ITPR1: variants seen among roughly 807,000 people sequenced by gnomAD.
The protein encoded by ITPR1 is inositol 1,4,5-trisphosphate-gated calcium channel ITPR1.
A neutral mutation model predicts 318.4 loss-of-function variants in ITPR1; 96 were observed. That is an observed-to-expected ratio of 0.30 (90% CI 0.26 to 0.36). The LOEUF (loss-of-function observed/expected upper bound fraction) is 0.36. Ranked by LOEUF, ITPR1 falls within the 10% of genes least tolerant of loss-of-function variation. The pLI is 1.00. For missense variants in ITPR1, 2,440 were observed against 3,460.2 expected, an observed-to-expected ratio of 0.71 and a Z score of 7.40; for synonymous variants, 1,312 against 1,289.9, an observed-to-expected ratio of 1.02 and a Z score of -0.37.
At chr3:4,754,131 A>G (rs2044772091) in intron 44 of ITPR1, among the ~76,000 whole-genome samples, 1 of 151,622 alleles carries the variant, frequency 6.6e-6, no homozygotes, top group Non-Finnish European at 1.5e-5. Context: ...CATTGAGGAC[A>G]GGAAATGTTG....
At chr3:4,842,753 T>A (rs144169031) in intron 61 of ITPR1, among the ~76,000 whole-genome samples, 48 of 152,272 alleles carry the variant, frequency 3.2e-4, no homozygotes, top group African/African-American at 1.1e-3. Context: ...TACCATAGAT[T>A]TTTTTTACTC....
At chr3:4,550,735 C>T (rs562873825) in intron 4 of ITPR1, among the ~76,000 whole-genome samples, 32 of 151,820 alleles carry the variant, frequency 2.1e-4, no homozygotes, top group Middle Eastern at 6.3e-3. Flanking sequence ...AAAAAGTTAG[C>T]GAGGCATAGT....
chr3:4,567,602 A>G (rs1340564070), intron 4 of ITPR1, among the ~76,000 whole-genome samples: 3 of 106,566 alleles, frequency 2.8e-5, no homozygotes, highest in African/African-American at 9.4e-5. Flanking sequence ...CGCTTGAGCT[A>G]GTTTTTTTTG....
At chr3:4,707,784 C>G (rs374443221) in intron 37 of ITPR1, among the ~76,000 whole-genome samples, 2 of 152,180 alleles carry the variant, frequency 1.3e-5, no homozygotes, top group East Asian at 3.8e-4. Flanking sequence ...ACTATTATTA[C>G]TGTTGTTTAC....
intron 26 of ITPR1, among the ~76,000 whole-genome samples, chr3:4,681,624 AGTGTGT>A (rs10665371): frequency 2.5e-4 from 37 of 145,894 alleles, no homozygotes; most frequent in African/African-American, 6.6e-4. Context: ...AGAGAGAGAA[AGTGTGT>A]GTGTGTGTGT....
chr3:4,746,237 G>GC lies in ITPR1; in HGVS notation c.5544+10889dup, dbSNP rs1450696574. On this transcript the variant is annotated intron_variant, in intron 44 of 61. Transcript: ENST00000649015. The stretch of plus-strand genomic sequence containing the variant: ...TCTCTTCCACGCGGTTGTCAGTGAT[G>GC]CCCCCCAAATGGAACCCTCACTACC... Among the ~76,000 whole-genome samples the GC allele has an allele frequency of 1.5e-4, 23 of 152,250 alleles. No homozygotes were observed. The South Asian group carries it at 4.6e-3, about 30-fold the overall frequency.
At chr3:4,793,452 G>A (rs76800974) in intron 52 of ITPR1, among the ~76,000 whole-genome samples, 2,229 of 152,262 alleles carry the variant, frequency 0.015, 56 homozygotes, top group African/African-American at 0.048. Context: ...CAGCTTCAGC[G>A]GTTATCAACT....
intron 4 of ITPR1, among the ~76,000 whole-genome samples, chr3:4,585,548 T>G (rs1465266653): frequency 6.6e-6 from 1 of 152,142 alleles, no homozygotes; most frequent in East Asian, 1.9e-4. Context: ...GCAGTTCTCC[T>G]GTCTCAGCCT....
chr3:4,496,392 GA>G (rs1270058319), intron 2 of ITPR1, among the ~76,000 whole-genome samples: 1 of 152,088 alleles, frequency 6.6e-6, no homozygotes, highest in African/African-American at 2.4e-5. Flanking sequence ...AATCAGAACA[GA>G]AAATCCTTTC....
chr3:4,754,739 G>C (rs1311504472), intron 44 of ITPR1, among the ~76,000 whole-genome samples: 3 of 152,180 alleles, frequency 2.0e-5, no homozygotes, highest in African/African-American at 7.2e-5. Context: ...AGAGCCACCA[G>C]AACACCTTCT....
intron 10 of ITPR1, among the ~76,000 whole-genome samples, chr3:4,648,021 A>G (rs2093502234): frequency 1.3e-5 from 2 of 152,216 alleles, no homozygotes; most frequent in African/African-American, 4.8e-5. Flanking sequence ...GCGTGGTGGC[A>G]CATGCCTGTA....
chr3:4,582,576 G>A (rs1184535210), intron 4 of ITPR1, among the ~76,000 whole-genome samples: 1 of 152,242 alleles, frequency 6.6e-6, no homozygotes, highest in Non-Finnish European at 1.5e-5. Context: ...AAAGATCCAA[G>A]ATGATGAGTG....
chr3:4,815,647 C>A (rs1011927962), intron 59 of ITPR1, among the ~76,000 whole-genome samples: 2 of 152,018 alleles, frequency 1.3e-5, no homozygotes, highest in African/African-American at 4.8e-5. Context: ...AAAAGAGGTG[C>A]ATGGACACCA....
chr3:4,565,093 T>G (rs1056367133), intron 4 of ITPR1, among the ~76,000 whole-genome samples: 11 of 152,342 alleles, frequency 7.2e-5, no homozygotes, highest in African/African-American at 2.6e-4. Flanking sequence ...TGGTGTGTAC[T>G]GAGCATTGGT....
At chr3:4,746,156 T>A (rs2044092746) in intron 44 of ITPR1, among the ~76,000 whole-genome samples, 1 of 152,206 alleles carries the variant, frequency 6.6e-6, no homozygotes, top group African/African-American at 2.4e-5. Context: ...CCTGTCAGCC[T>A]TTTTGCCTGG....
At chr3:4,728,254 C>A (rs2042662884) in intron 42 of ITPR1, among the ~76,000 whole-genome samples, 1 of 152,182 alleles carries the variant, frequency 6.6e-6, no homozygotes, top group Admixed American at 6.5e-5. Flanking sequence ...ATGCTGACAG[C>A]ACTGATTTTC....
intron 4 of ITPR1, among the ~76,000 whole-genome samples, chr3:4,615,373 C>CTTTT (rs11330102): frequency 9.6e-4 from 118 of 122,726 alleles, no homozygotes; most frequent in Non-Finnish European, 1.5e-3. Flanking sequence ...TGATTTCTTT[C>CTTTT]TTTTTTTTTT....
At position 4,681,629 on chromosome 3, in the gene ITPR1, G is replaced by GTGTGTGTGTGTGTA. The variant is rs1559683069; in HGVS notation, c.3161+224_3161+225insATGTGTGTGTGTGT. Reference sequence around the variant, plus strand: ...TGAGAGAGAGAGAGAGAGAAAGTGTGTGTGTGTGTGTGTGTGTGTGTGTGT... The same window carrying GTGTGTGTGTGTGTA: ...TGAGAGAGAGAGAGAGAGAAAGTGTGTGTGTGTGTGTGTATGTGTGTGTGTGTGTGTGTGTGTGT... On this transcript the variant is annotated intron_variant, in intron 26 of 61. Transcript: ENST00000649015. Among the ~76,000 whole-genome samples, 537 of 142,890 alleles carry GTGTGTGTGTGTGTA rather than the reference G, an allele frequency of 3.8e-3. 6 individuals carry two copies. The highest frequency in any genetic ancestry group is 0.015 in the African/African-American group (514 of 33,986). 93.7% of individuals were successfully genotyped at this position (142,890 alleles called of 152,430 possible). A position where few individuals can be genotyped will look rare whatever the true frequency, so the allele number is the denominator to read the frequency against.
At chr3:4,658,714 A>G (rs2093767231) in intron 13 of ITPR1, among the ~76,000 whole-genome samples, 1 of 152,100 alleles carries the variant, frequency 6.6e-6, no homozygotes, top group African/African-American at 2.4e-5. Flanking sequence ...TTTATTAACA[A>G]GTATTGAGAC....
Sources: gnomAD v4.1 joint callset for allele counts (sites outside exome capture counted in the v4.1 genomes callset) on GRCh38, gnomAD v4.1.1 for gene constraint, MANE v1.5 for transcripts, NCBI Gene and HGNC (gene_info 2026-07-23, HGNC 2026-07-21) for gene names.